The following ACE variants were observed in gnomAD, a reference collection of about 807,000 sequenced individuals.
ACE encodes the protein angiotensin I converting enzyme, also known as angiotensin-converting enzyme.
Under a neutral mutation model 162.3 loss-of-function variants are expected in ACE, and 122 were observed. That is an observed-to-expected ratio of 0.75 (90% CI 0.65 to 0.87). The LOEUF (loss-of-function observed/expected upper bound fraction) is 0.87, where lower values mean the gene tolerates loss of function less well. ACE is among the 40% of genes least tolerant of loss of function. ACE has a pLI of 0.00. For missense variants in ACE, 1,799 were observed against 1,735.1 expected, an observed-to-expected ratio of 1.04 and a Z score of -0.65; for synonymous variants, 796 against 720.6, an observed-to-expected ratio of 1.10 and a Z score of -1.68.
rs1183721673 is a variant in ACE, at chr17:63,480,428, C to T, written c.747C>T (p.Pro249=). The change falls in exon 5 of 25, where the codon CCC becomes CCT. Residue 249 remains proline, a synonymous_variant. Coordinates refer to ENST00000290866, the MANE Select transcript of ACE (RefSeq NM_000789.4). The part of the protein sequence containing the change: ...DLEHLYQQLE[P]LYLNLHAFVR... ...AACACCTCTACCAACAGCTAGAGCC[C>T]CTCTACCTGAACCTCCATGCCTTCG... is the stretch of plus-strand genomic sequence containing the variant. 1 of 1,614,128 alleles carries T rather than the reference C, an allele frequency of 6.2e-7. No individual in the cohort carries two copies. Among genetic ancestry groups the T allele is most frequent in the Non-Finnish European group, 8.5e-7 (1 of 1,180,020 alleles).
At position 63,494,478 on chromosome 17, in the gene ACE, G is replaced by C; in HGVS notation, c.3380+8G>C. On this transcript the variant is annotated splice_region_variant and intron_variant, in intron 22 of 24. Coordinates refer to ENST00000290866, the MANE Select transcript of ACE (RefSeq NM_000789.4). ...TAGCGTGCCTTACATCAGGTAACGGGAAAGGCAGGAGGGCACATTGTGAGG... is the reference window on the plus strand; with the variant it reads ...TAGCGTGCCTTACATCAGGTAACGGCAAAGGCAGGAGGGCACATTGTGAGG... The C allele has an allele frequency of 6.2e-7, 1 of 1,611,648 alleles. No homozygotes were observed. Among genetic ancestry groups the C allele is most frequent in the Non-Finnish European group, 8.5e-7 (1 of 1,178,252 alleles).
rs143320537 is a variant in ACE, at chr17:63,479,054, G to C, written c.465G>C (p.Lys155Asn). 537 of 1,613,702 alleles carry C rather than the reference G, an allele frequency of 3.3e-4. No individual in the cohort carries two copies. Among genetic ancestry groups the C allele is most frequent in the Middle Eastern group, 1.6e-3 (10 of 6,062 alleles). ...TGAGCAGGATCTACTCCACCGCCAA[G>C]GTCTGCCTCCCCAACAAGACTGCCA... ...SNMSRIYSTAKVCLPNKTATC... is the reference protein window; with the variant it reads ...SNMSRIYSTANVCLPNKTATC... Residue 155 changes from lysine to asparagine, a missense_variant, in exon 3 of 25, where the codon AAG (lysine) becomes AAC (asparagine). Lys to Asn is a moderately conservative substitution (Grantham distance 94, BLOSUM62 0). Transcript: ENST00000290866.
At chr17:63,490,400 A>G (rs2030290688) in intron 17 of ACE, 2 of 174,918 alleles carry the variant, frequency 1.1e-5, no homozygotes, top group Non-Finnish European at 2.5e-5. Context: ...GGTGGTGCGG[A>G]GGGGACATGG....
At position 63,483,530 on chromosome 17, in the gene ACE, C is replaced by A. The variant is rs767844081; in HGVS notation, c.1558C>A (p.His520Asn). 8.7e-6 allele frequency: 14 copies of A among 1,614,006 alleles called. No homozygotes were observed. The highest frequency in any genetic ancestry group is 1.1e-5 in the Non-Finnish European group (13 of 1,180,034). The stretch of plus-strand genomic sequence containing the variant: ...CCACTTTGATGCTGGAGCTAAGTTT[C>A]ATGTTCCAAATGTGACACCATACAT... ...ETHFDAGAKF[H>N]VPNVTPYIRY... The change falls in exon 10 of 25, where the codon CAT becomes AAT. Residue 520 changes from histidine (H) to asparagine (N), a missense_variant. By Grantham distance (68) the His-to-Asn change is moderately conservative (BLOSUM62 1). Coordinates refer to ENST00000290866, the MANE Select transcript of ACE (RefSeq NM_000789.4).
In ACE at chr17:63,497,588, CTG is replaced by C. The variant is rs940128560; in HGVS notation, c.*225_*226del. The C allele has an allele frequency of 3.0e-5, 21 of 701,296 alleles. No individual in the cohort carries two copies. Among genetic ancestry groups the C allele is most frequent in the East Asian group, 2.7e-4 (10 of 37,210 alleles). The allele number at this position is 701,296 out of a possible 1,614,324, so 43.4% of individuals were successfully genotyped here. On this transcript the variant is annotated 3_prime_UTR_variant, in exon 25 of 25. Transcript: ENST00000290866. ...CTGAGCCCCACCTCTCCAAGTCTCT[CTG>C]TGAATACAATTAAAGGTCCTGCCCT...
Position 63,486,588 on chromosome 17 carries a change from C to G in ACE, c.2090C>G (p.Thr697Ser), listed in dbSNP as rs765315607. The stretch of plus-strand genomic sequence containing the variant: ...AAGAACATGCAAATAGCCAACCACA[C>G]CCTGAAGTACGGCACCCAGGCCAGG... ...LQKNMQIANH[T>S]LKYGTQARKF... The change falls in exon 14 of 25, where the codon ACC (threonine) becomes AGC (serine). Residue 697 changes from threonine (T) to serine (S), a missense_variant. Physicochemically the swap from Thr to Ser is moderately conservative, Grantham distance 58 (BLOSUM62 1). Transcript: ENST00000290866. 4 of 1,614,242 alleles carry G rather than the reference C, an allele frequency of 2.5e-6. No individual in the cohort carries two copies. The highest frequency in any genetic ancestry group is 3.4e-6 in the Non-Finnish European group (4 of 1,180,052).
chr17:63,477,480 A>G, intron 1 of ACE, 137 bp downstream of exon 1: 1 of 649,908 alleles, frequency 1.5e-6, no homozygotes, highest in Non-Finnish European at 2.0e-6. Flanking sequence ...CCCGACAGTC[A>G]GCCGCGGGGC....
chr17:63,491,358 C>A lies in ACE; in HGVS notation c.2889C>A (p.Asp963Glu). 2 of 1,614,162 alleles carry A rather than the reference C, an allele frequency of 1.2e-6. No individual in the cohort carries two copies. The highest frequency in any genetic ancestry group is 8.5e-7 in the Non-Finnish European group (1 of 1,180,034). The change falls in exon 19 of 25, where the codon GAC becomes GAA. Residue 963 changes from aspartate (D) to glutamate (E), a missense_variant. Physicochemically the swap from Asp to Glu is conservative, Grantham distance 45. Coordinates refer to ENST00000290866, the MANE Select transcript of ACE (RefSeq NM_000789.4). The surrounding 1 kb of genome is among the most constrained non-coding windows in gnomAD (Gnocchi z 4.4). ...REVVCHASAWDFYNGKDFRIK... is the reference protein window; with the variant it reads ...REVVCHASAWEFYNGKDFRIK... ...TGGTCTGCCACGCCTCGGCCTGGGACTTCTACAACGGCAAGGACTTCCGGT... is the reference window on the plus strand; with the variant it reads ...TGGTCTGCCACGCCTCGGCCTGGGAATTCTACAACGGCAAGGACTTCCGGT...
rs561389421 is a variant in ACE at position 63,488,936 on chromosome 17, T to C, written c.2450-5T>C. The C allele has an allele frequency of 1.2e-6, 2 of 1,614,040 alleles. No homozygotes were observed. Among genetic ancestry groups the C allele is most frequent in the Non-Finnish European group, 1.7e-6 (2 of 1,180,028 alleles). ...TGGGAGAGCCTGGCTGTGTCCCCTCTGTAGGCTATGTAGATGCAGGGGACT... is the reference window on the plus strand; with the variant it reads ...TGGGAGAGCCTGGCTGTGTCCCCTCCGTAGGCTATGTAGATGCAGGGGACT... On this transcript the variant is annotated splice_polypyrimidine_tract_variant and splice_region_variant and intron_variant, in intron 16 of 24. Transcript: ENST00000290866.
chr17:63,485,055 C>T, intron 12 of ACE, 181 bp from the exon 13 acceptor site: 1 of 1,608,794 alleles, frequency 6.2e-7, no homozygotes, highest in Non-Finnish European at 8.5e-7. Flanking sequence ...CAGACATCAG[C>T]CCAGAGCCCA....
Position 63,489,006 on chromosome 17 carries a change from G to A in ACE, c.2515G>A (p.Glu839Lys). The change falls in exon 17 of 25, where the codon GAG becomes AAG. Residue 839 changes from glutamate (E) to lysine (K), a missense_variant. Physicochemically the swap from Glu to Lys is moderately conservative, Grantham distance 56. Coordinates refer to ENST00000290866, the MANE Select transcript of ACE (RefSeq NM_000789.4). ...YETPSLEQDL[E>K]RLFQELQPLY... ...GACACCATCCCTGGAGCAAGACCTG[G>A]AGCGGCTCTTCCAGGAGCTGCAGCC... is the stretch of plus-strand genomic sequence containing the variant. The A allele has an allele frequency of 6.2e-7, 1 of 1,614,198 alleles. No individual in the cohort carries two copies.
At chr17:63,485,530 C>T (rs1340532290) in intron 13 of ACE, 158 bp downstream of exon 13, 3 of 1,048,678 alleles carry the variant, frequency 2.9e-6, no homozygotes, top group Non-Finnish European at 4.2e-6. Flanking sequence ...CCTGTAATCC[C>T]AGCACTTTGG....
chr17:63,481,755 A>G lies in ACE; in HGVS notation c.1118+17A>G. The G allele has an allele frequency of 1.2e-6, 2 of 1,613,910 alleles. No homozygotes were observed. The highest frequency in any genetic ancestry group is 1.7e-5 in the Admixed American group (1 of 60,020). On this transcript the variant is annotated intron_variant, in intron 7 of 24. Transcript: ENST00000290866. ...AGACTTCAGGTTCAGACATGGGAAG[A>G]GCACGTTCTGGGGTTCCCCGGTTCT...
rs778761686 is a variant in ACE, at chr17:63,486,719, T to C, written c.2217+4T>C. The C allele has an allele frequency of 3.5e-5, 56 of 1,613,996 alleles. No homozygotes were observed. Among genetic ancestry groups the C allele is most frequent in the Non-Finnish European group, 4.4e-5 (52 of 1,180,028 alleles). ...GCCTGCCCAGGAGCTGGAGGAGGTG[T>C]GTGGCTCGCAAGGTACAGGGAGAGG... is the stretch of plus-strand genomic sequence containing the variant. On this transcript the variant is annotated splice_donor_region_variant and intron_variant, in intron 14 of 24. Transcript: ENST00000290866.
chr17:63,482,443 C>G, intron 7 of ACE, 23 bp from the exon 8 acceptor site: 3 of 1,609,780 alleles, frequency 1.9e-6, no homozygotes, highest in Non-Finnish European at 1.7e-6. Context: ...GTCACTCTCA[C>G]CCTCGCCCTC....
intron 15 of ACE, 93 bp from the exon 16 acceptor site, chr17:63,488,555 C>A: frequency 7.5e-7 from 1 of 1,337,798 alleles, no homozygotes; most frequent in South Asian, 1.3e-5. Context: ...TGTGGTTTCG[C>A]CAATTTTATT....
In ACE at chr17:63,484,286, C is replaced by T. The variant is rs1315426902; in HGVS notation, c.1710-44C>T. 3 of 1,582,218 alleles carry T rather than the reference C, an allele frequency of 1.9e-6. No individual in the cohort carries two copies. In the Admixed American group the frequency reaches 5.3e-5, roughly 28 times the overall value. On this transcript the variant is annotated intron_variant, in intron 11 of 24. Transcript: ENST00000290866. The surrounding 1 kb of genome is among the most constrained non-coding windows in gnomAD (Gnocchi z 4.0). ...TGGGCCGGGGTCCAGGAGCAGACTC[C>T]AGCCTGAGTCCCCTGTGCCCATGGT...
At chr17:63,489,276 G>C (rs1421371219) in intron 17 of ACE, 144 bp downstream of exon 17, 1 of 1,029,044 alleles carries the variant, frequency 9.7e-7, no homozygotes, top group Non-Finnish European at 1.4e-6. Context: ...CAGGCTGGAG[G>C]GGGGTGGGCG....
At chr17:63,489,345 G>A (rs142022013) in intron 17 of ACE, among the ~76,000 whole-genome samples, 5 of 152,286 alleles carry the variant, frequency 3.3e-5, no homozygotes, top group East Asian at 3.9e-4. Flanking sequence ...GATCTATGTC[G>A]GGCAAGTCAC....
Sources: gnomAD v4.1 joint callset for allele counts (sites outside exome capture counted in the v4.1 genomes callset) on GRCh38, gnomAD v4.1.1 for gene constraint, Gnocchi (gnomAD v3.1) non-coding constraint, MANE v1.5 for transcripts, NCBI Gene and HGNC (gene_info 2026-07-23, HGNC 2026-07-21) for gene names.